The following CDC42BPA variants were observed in gnomAD, a reference collection of about 807,000 sequenced individuals.
CDC42BPA encodes CDC42 binding protein kinase alpha, also known as serine/threonine-protein kinase MRCK alpha.
Under a neutral mutation model 223.5 loss-of-function variants are expected in CDC42BPA, and 80 were observed. That is an observed-to-expected ratio of 0.36 (90% CI 0.30 to 0.43). The LOEUF (loss-of-function observed/expected upper bound fraction) is 0.43, where lower values mean the gene tolerates loss of function less well. CDC42BPA is among the 20% of genes least tolerant of loss of function. The pLI, the probability that CDC42BPA is intolerant of heterozygous loss-of-function variation, is 1.00. For synonymous variants in CDC42BPA, 694 were observed against 718.6 expected, an observed-to-expected ratio of 0.97 and a Z score of 0.55; for missense variants, 1,743 against 2,099.9, an observed-to-expected ratio of 0.83 and a Z score of 3.32.
chr1:227,022,702 A>T (rs1667611273), intron 32 of CDC42BPA, among the ~76,000 whole-genome samples: 1 of 152,182 alleles, frequency 6.6e-6, no homozygotes, highest in African/African-American at 2.4e-5. Flanking sequence ...ATGTAATGAC[A>T]TGTGTGACCT....
chr1:227,229,962 T>C (rs1164922938), intron 2 of CDC42BPA, among the ~76,000 whole-genome samples: 2 of 152,230 alleles, frequency 1.3e-5, no homozygotes, highest in African/African-American at 2.4e-5. Context: ...AAGAACTGAT[T>C]TGATTGCAAC....
intron 5 of CDC42BPA, among the ~76,000 whole-genome samples, chr1:227,180,051 C>T (rs894674605): frequency 1.3e-5 from 2 of 151,734 alleles, no homozygotes; most frequent in Non-Finnish European, 2.9e-5. Flanking sequence ...ACTAAAAATA[C>T]AAAACTTAGC....
chr1:227,141,899 T>G (rs1466514054), intron 9 of CDC42BPA, among the ~76,000 whole-genome samples: 1 of 151,778 alleles, frequency 6.6e-6, no homozygotes, highest in Non-Finnish European at 1.5e-5. Context: ...TGCCCAGGAG[T>G]CTGAGGCTAT....
At position 227,316,966 on chromosome 1, in the gene CDC42BPA, G is replaced by A. The variant is rs377464177; in HGVS notation, c.178+39C>T. On this transcript the variant is annotated intron_variant, in intron 1 of 36. Transcript: ENST00000366766. The stretch of plus-strand genomic sequence containing the variant: ...TATACCAATTAAATCATAATGACCA[G>A]CTAAAGATTAACAGTTTCTTTAAAA... The A allele has an allele frequency of 6.8e-6, 10 of 1,462,006 alleles. No individual in the cohort carries two copies. In the African/African-American group the frequency reaches 1.3e-4, roughly 18 times the overall value. 90.6% of individuals were successfully genotyped at this position (1,462,006 alleles called of 1,614,324 possible).
intron 6 of CDC42BPA, among the ~76,000 whole-genome samples, chr1:227,148,875 G>GT (rs1430621391): frequency 1.3e-5 from 2 of 150,070 alleles, no homozygotes; most frequent in Admixed American, 1.3e-4. Context: ...TTAGAGGTCA[G>GT]TAATCAAGAA....
chr1:227,022,536 G>A (rs982497498), intron 32 of CDC42BPA, among the ~76,000 whole-genome samples: 1 of 152,096 alleles, frequency 6.6e-6, no homozygotes, highest in Non-Finnish European at 1.5e-5. Flanking sequence ...CTATTATATA[G>A]AAATTTGCTG....
At chr1:227,255,202 C>T (rs1190887561) in intron 1 of CDC42BPA, among the ~76,000 whole-genome samples, 1 of 152,120 alleles carries the variant, frequency 6.6e-6, no homozygotes, top group East Asian at 1.9e-4. Context: ...CAAAAAGGAA[C>T]TGATATGATT....
intron 5 of CDC42BPA, among the ~76,000 whole-genome samples, chr1:227,184,234 T>G (rs1668399583): frequency 6.6e-6 from 1 of 152,184 alleles, no homozygotes; most frequent in Admixed American, 6.5e-5. Context: ...TGATTTTTTT[T>G]GTCATATCTA....
At chr1:227,171,570 C>T (rs1355815) in intron 5 of CDC42BPA, among the ~76,000 whole-genome samples, 137,240 of 152,128 alleles carry the variant, frequency 0.9, 62,351 homozygotes, top group Middle Eastern at 0.96. Flanking sequence ...TGAGCCGTGA[C>T]GATGCCACTA....
chr1:227,120,667 T>C (rs575269123), intron 11 of CDC42BPA, among the ~76,000 whole-genome samples: 1 of 152,324 alleles, frequency 6.6e-6, no homozygotes, highest in South Asian at 2.1e-4. Context: ...CAAAATGTAA[T>C]AAATTGATAG....
intron 34 of CDC42BPA, among the ~76,000 whole-genome samples, chr1:227,012,405 T>G (rs891359953): frequency 6.6e-6 from 1 of 152,176 alleles, no homozygotes; most frequent in Non-Finnish European, 1.5e-5. Context: ...TATATTGTCT[T>G]GGCTCACTTA....
chr1:226,997,057 G>C (rs1417173746), intron 35 of CDC42BPA, among the ~76,000 whole-genome samples: 1 of 152,178 alleles, frequency 6.6e-6, no homozygotes, highest in African/African-American at 2.4e-5. Context: ...TGTACCTCTG[G>C]TAGAATTCGG....
At chr1:227,235,715 T>C (rs1308488739) in intron 2 of CDC42BPA, among the ~76,000 whole-genome samples, 2 of 152,184 alleles carry the variant, frequency 1.3e-5, no homozygotes, top group Non-Finnish European at 2.9e-5. Context: ...ATAAGGACTT[T>C]CACACAGACT....
intron 17 of CDC42BPA, among the ~76,000 whole-genome samples, chr1:227,080,394 A>G (rs1254289760): frequency 6.6e-6 from 1 of 152,152 alleles, no homozygotes; most frequent in Non-Finnish European, 1.5e-5. Flanking sequence ...AGAGCTTAAG[A>G]AAGAGCTGAT....
At chr1:227,224,641 A>G (rs989919468) in intron 2 of CDC42BPA, among the ~76,000 whole-genome samples, 2 of 152,234 alleles carry the variant, frequency 1.3e-5, no homozygotes, top group Non-Finnish European at 2.9e-5. Context: ...AAGAAAAAAA[A>G]TAACTCTTTT....
intron 22 of CDC42BPA, among the ~76,000 whole-genome samples, chr1:227,048,278 T>C (rs892507973): frequency 2.6e-5 from 4 of 152,018 alleles, no homozygotes; most frequent in Admixed American, 2.6e-4. Flanking sequence ...TTGGATCAAA[T>C]GATTCAAATA....
At chr1:227,144,574 CAAAAAAAAAAAAAAAAA>C (rs57568297) in intron 8 of CDC42BPA, among the ~76,000 whole-genome samples, 8 of 63,482 alleles carry the variant, frequency 1.3e-4, no homozygotes, top group African/African-American at 4.4e-4. Context: ...GACTCTGTCT[CAAAAAAAAAAAAAAAAA>C]AAAAAAAAAA....
chr1:227,293,179 G>C (rs1054875839), intron 1 of CDC42BPA, among the ~76,000 whole-genome samples: 1 of 152,144 alleles, frequency 6.6e-6, no homozygotes, highest in Non-Finnish European at 1.5e-5. Context: ...GTTAGGTATT[G>C]GGGAAGAGCT....
At chr1:227,026,302 G>T (rs1370844078) in intron 30 of CDC42BPA, 150 bp from the exon 31 acceptor site, 2 of 540,566 alleles carry the variant, frequency 3.7e-6, no homozygotes. Flanking sequence ...AAACATTTTT[G>T]AAGCAAACAG....
Sources: gnomAD v4.1 joint callset for allele counts (sites outside exome capture counted in the v4.1 genomes callset) on GRCh38, gnomAD v4.1.1 for gene constraint, MANE v1.5 for transcripts, NCBI Gene and HGNC (gene_info 2026-07-23, HGNC 2026-07-21) for gene names.